MYO3A: variants seen among roughly 807,000 people sequenced by gnomAD.
MYO3A encodes the protein myosin-IIIa.
MYO3A carries 180 observed loss-of-function variants against 192.7 expected under a neutral mutation model. The observed-to-expected ratio is 0.93, with a 90% CI of 0.83 to 1.06. The LOEUF is 1.06. Ranked by LOEUF, MYO3A falls within the 50% of genes least tolerant of loss-of-function variation. The pLI is 0.00. For synonymous variants in MYO3A, 628 were observed against 645.3 expected, an observed-to-expected ratio of 0.97 and a Z score of 0.41; for missense variants, 1,896 against 1,905.0, an observed-to-expected ratio of 1.00 and a Z score of 0.09.
intron 17 of MYO3A, among the ~76,000 whole-genome samples, chr10:26,100,876 A>T (rs1837400193): frequency 6.6e-6 from 1 of 152,120 alleles, no homozygotes; most frequent in Non-Finnish European, 1.5e-5. Context: ...TATTCTGTTG[A>T]TTTGGGGTGG....
intron 14 of MYO3A, among the ~76,000 whole-genome samples, chr10:26,082,263 A>T (rs1836005452): frequency 6.6e-6 from 1 of 152,096 alleles, no homozygotes. Context: ...AACTTCTTTC[A>T]TCACTGTTTT....
At chr10:25,962,451 A>T (rs1837991436) in intron 4 of MYO3A, among the ~76,000 whole-genome samples, 1 of 152,124 alleles carries the variant, frequency 6.6e-6, no homozygotes, top group South Asian at 2.1e-4. Flanking sequence ...AAACTAATTT[A>T]GTTTTTTATA....
intron 14 of MYO3A, among the ~76,000 whole-genome samples, chr10:26,072,616 A>T (rs1041473398): frequency 2.0e-5 from 3 of 152,060 alleles, no homozygotes; most frequent in African/African-American, 7.2e-5. Flanking sequence ...GAGAGGCCTG[A>T]AGGTGGTTCA....
chr10:26,048,311 T>C (rs923139499), intron 10 of MYO3A, among the ~76,000 whole-genome samples: 2 of 152,126 alleles, frequency 1.3e-5, no homozygotes, highest in East Asian at 3.8e-4. Flanking sequence ...AAGATTCTGA[T>C]TTACTTTGCA....
At chr10:25,948,728 CAA>C (rs1837019241) in intron 2 of MYO3A, among the ~76,000 whole-genome samples, 1 of 152,020 alleles carries the variant, frequency 6.6e-6, no homozygotes, top group Admixed American at 6.5e-5. Flanking sequence ...GTTTAGCAGT[CAA>C]GAGACTTGAT....
intron 8 of MYO3A, 162 bp downstream of exon 8, chr10:26,021,810 G>C (rs1842323781): frequency 1.1e-6 from 1 of 932,796 alleles, no homozygotes; most frequent in Non-Finnish European, 1.7e-6. Context: ...CATTGTATTT[G>C]TTCAGTAGTT....
intron 20 of MYO3A, 102 bp from the exon 21 acceptor site, chr10:26,143,345 CA>C: frequency 1.6e-6 from 2 of 1,260,584 alleles, no homozygotes; most frequent in Admixed American, 4.0e-5. Context: ...AAAGCAAGGT[CA>C]AAGGGAGCAA....
In MYO3A at chr10:26,077,243, T is replaced by TG. The variant is rs1162210152; in HGVS notation, c.1359+6842_1359+6843insG. 4.2e-4 allele frequency among the ~76,000 whole-genome samples: 59 copies of TG among 141,018 alleles called. 1 individual carries two copies. The highest frequency in any genetic ancestry group is 8.4e-4 in the Non-Finnish European group (55 of 65,352). The allele number at this position is 141,018 out of a possible 152,430, so 92.5% of individuals were successfully genotyped here. On this transcript the variant is annotated intron_variant, in intron 14 of 34. Transcript: ENST00000642920. ...AGGTATATTCCTAAGGTTTTTTTTT[T>TG]TTTTTTTTTTTTGCAGCTGTTGTAA...
chr10:26,136,292 A>G (rs774015775), intron 20 of MYO3A, among the ~76,000 whole-genome samples: 3 of 152,242 alleles, frequency 2.0e-5, no homozygotes, highest in Non-Finnish European at 2.9e-5. Context: ...ATTGAGGGTC[A>G]TATATACCAG....
chr10:26,129,585 C>T (rs1839417693), intron 20 of MYO3A, among the ~76,000 whole-genome samples: 1 of 152,166 alleles, frequency 6.6e-6, no homozygotes, highest in Non-Finnish European at 1.5e-5. Flanking sequence ...AGCCAAGCTC[C>T]TTGAAAGCAT....
At chr10:26,132,207 G>A (rs1839577421) in intron 20 of MYO3A, among the ~76,000 whole-genome samples, 3 of 152,190 alleles carry the variant, frequency 2.0e-5, no homozygotes, top group Non-Finnish European at 4.4e-5. Flanking sequence ...GTCGGAAAGG[G>A]AGCTTAACAG....
intron 14 of MYO3A, among the ~76,000 whole-genome samples, chr10:26,079,353 CT>C (rs1475516873): frequency 6.6e-6 from 1 of 152,060 alleles, no homozygotes; most frequent in Non-Finnish European, 1.5e-5. Context: ...CATGAAATGC[CT>C]TTTTCCACCC....
At chr10:26,021,788 C>G in intron 8 of MYO3A, 140 bp downstream of exon 8, 1 of 1,154,098 alleles carries the variant, frequency 8.7e-7, no homozygotes. Flanking sequence ...TATTATTCTG[C>G]TTCTTCTGAG....
intron 10 of MYO3A, among the ~76,000 whole-genome samples, chr10:26,044,912 T>C (rs1407102351): frequency 1.3e-5 from 2 of 152,214 alleles, no homozygotes; most frequent in African/African-American, 4.8e-5. Context: ...TCTATTTGAC[T>C]CCTGGGTGAA....
chr10:26,106,067 C>T (rs948617699), intron 17 of MYO3A, among the ~76,000 whole-genome samples: 2 of 152,046 alleles, frequency 1.3e-5, no homozygotes, highest in Non-Finnish European at 2.9e-5. Context: ...TATTCCTGCT[C>T]TCGCTTTCTT....
chr10:26,108,384 G>A (rs1837958829), intron 17 of MYO3A, among the ~76,000 whole-genome samples: 1 of 152,002 alleles, frequency 6.6e-6, no homozygotes, highest in African/African-American at 2.4e-5. Flanking sequence ...AAGAGCTTAA[G>A]CTAAAACAAA....
chr10:26,182,047 A>C (rs892855872), intron 31 of MYO3A, among the ~76,000 whole-genome samples: 2 of 152,230 alleles, frequency 1.3e-5, no homozygotes, highest in African/African-American at 4.8e-5. Flanking sequence ...GAATTGTAAT[A>C]CTGTAAGTAA....
At position 26,006,982 on chromosome 10, in the gene MYO3A, A is replaced by G. The variant is rs531297318; in HGVS notation, c.508+9724A>G. Among the ~76,000 whole-genome samples, 220 of 147,690 alleles carry G rather than the reference A, an allele frequency of 1.5e-3. 4 individuals carry two copies. Among genetic ancestry groups the G allele is most frequent in the African/African-American group, 5.5e-3 (210 of 38,304 alleles). Reference sequence around the variant, plus strand: ...ATGAACATTGATGCAAAAATCCTCAATAAAATACTGGCAAACCGAATCCAG... The same window carrying G: ...ATGAACATTGATGCAAAAATCCTCAGTAAAATACTGGCAAACCGAATCCAG... On this transcript the variant is annotated intron_variant, in intron 6 of 34. Transcript: ENST00000642920.
At chr10:26,203,554 A>G (rs1490716718) in intron 34 of MYO3A, among the ~76,000 whole-genome samples, 1 of 152,232 alleles carries the variant, frequency 6.6e-6, no homozygotes, top group Non-Finnish European at 1.5e-5. Flanking sequence ...AAAGATTCAT[A>G]GAAAAATGCA....
Sources: gnomAD v4.1 joint callset for allele counts (sites outside exome capture counted in the v4.1 genomes callset) on GRCh38, gnomAD v4.1.1 for gene constraint, MANE v1.5 for transcripts, NCBI Gene and HGNC (gene_info 2026-07-23, HGNC 2026-07-21) for gene names.